THSD7A: variants seen among roughly 807,000 people sequenced by gnomAD.
The protein encoded by THSD7A is thrombospondin type 1 domain containing 7A.
In THSD7A, 96 loss-of-function variants were observed where a neutral mutation model predicts 231.3. The observed-to-expected ratio is 0.41, with a 90% CI of 0.35 to 0.49. THSD7A has a LOEUF of 0.49. Among genes scored for constraint, THSD7A ranks in the 20% least tolerant of loss-of-function variants. THSD7A has a pLI of 0.05. For synonymous variants in THSD7A, 940 were observed against 743.3 expected (o/e 1.26, Z -4.30); for missense variants, 2,290 against 2,070.2 (o/e 1.11, Z -2.06).
At chr7:11,730,329 T>G (rs1450260041) in intron 1 of THSD7A, among the ~76,000 whole-genome samples, 1 of 151,674 alleles carries the variant, frequency 6.6e-6, no homozygotes, top group Non-Finnish European at 1.5e-5. Flanking sequence ...ATTTCTCTTC[T>G]ATAAAGCAAA....
rs190628034 is a variant in THSD7A, at chr7:11,461,000, G to T, written c.2502-235C>A. Among the ~76,000 whole-genome samples the T allele has an allele frequency of 2.7e-3, 411 of 152,242 alleles. 2 individuals are homozygous for T. Among genetic ancestry groups the T allele is most frequent in the Middle Eastern group, 0.024 (7 of 294 alleles). On this transcript the variant is annotated intron_variant, in intron 10 of 27. Coordinates refer to ENST00000423059, the MANE Select transcript of THSD7A (RefSeq NM_015204.3). ...GAGTACATCATTGTCAAGTTCTATA[G>T]GACTCTACAGAGAACATTTAGACTT...
intron 1 of THSD7A, among the ~76,000 whole-genome samples, chr7:11,780,997 C>CAAAAAAAAAAAAAAAAAAAAAAAAAAA (rs58931693): frequency 5.8e-5 from 2 of 34,442 alleles, no homozygotes; most frequent in African/African-American, 9.4e-5. Context: ...GACTCCGTCT[C>CAAAAAAAAAAAAAAAAAAAAAAAAAAA]AAAAAAAAAA....
chr7:11,813,714 A>AAAT (rs61350544), intron 1 of THSD7A, among the ~76,000 whole-genome samples: 10,311 of 144,928 alleles, frequency 0.071, 426 homozygotes, highest in African/African-American at 0.12. Context: ...CTCCATCTCA[A>AAAT]AATAATAATA....
At chr7:11,393,059 G>C (rs1476330195) in intron 23 of THSD7A, among the ~76,000 whole-genome samples, 1 of 152,120 alleles carries the variant, frequency 6.6e-6, no homozygotes, top group Admixed American at 6.6e-5. Context: ...ACTCTCTCCC[G>C]AAGTGGGTCC....
chr7:11,379,756 T>A lies in THSD7A; in HGVS notation c.4508-44A>T, dbSNP rs374934058. The stretch of plus-strand genomic sequence containing the variant: ...TGTTTTGACAAATAATATATTTTGC[T>A]ATGATGAAAATACACTGTGGTTAGT... On this transcript the variant is annotated intron_variant, in intron 24 of 27. Coordinates refer to ENST00000423059, the MANE Select transcript of THSD7A (RefSeq NM_015204.3). 2,803 of 1,537,354 alleles carry A rather than the reference T, an allele frequency of 1.8e-3. 6 individuals carry two copies. The highest frequency in any genetic ancestry group is 2.9e-3 in the Middle Eastern group (17 of 5,956).
intron 22 of THSD7A, among the ~76,000 whole-genome samples, chr7:11,402,713 GA>G (rs1307618112): frequency 1.3e-5 from 2 of 152,118 alleles, no homozygotes; most frequent in African/African-American, 4.8e-5. Context: ...TGTGATATAT[GA>G]AATCATACCA....
intron 16 of THSD7A, among the ~76,000 whole-genome samples, chr7:11,421,345 G>A (rs547537301): frequency 1.4e-4 from 22 of 152,060 alleles, no homozygotes; most frequent in East Asian, 3.9e-4. Flanking sequence ...TTCCCCCTTC[G>A]CTCTTTCTCT....
chr7:11,796,033 CATATATAT>C lies in THSD7A; in HGVS notation c.190+35716_190+35723del, dbSNP rs6149988. ...GGTACTTCTTTGAAATTAAATTAGC[CATATATAT>C]ATATATATATATATATATATATATA... On this transcript the variant is annotated intron_variant, in intron 1 of 27. Transcript: ENST00000423059. 1.0e-2 allele frequency among the ~76,000 whole-genome samples: 1,070 copies of C among 107,350 alleles called. 34 individuals carry two copies. The highest frequency in any genetic ancestry group is 0.03 in the African/African-American group (880 of 29,822). The allele number at this position is 107,350 out of a possible 152,430, so 70.4% of individuals were successfully genotyped here.
chr7:11,777,110 C>A (rs748705685), intron 1 of THSD7A, among the ~76,000 whole-genome samples: 1 of 151,954 alleles, frequency 6.6e-6, no homozygotes, highest in Non-Finnish European at 1.5e-5. Flanking sequence ...AGATAATGTG[C>A]GAGCGAAAAA....
intron 4 of THSD7A, among the ~76,000 whole-genome samples, chr7:11,584,153 A>G (rs1791291309): frequency 2.0e-5 from 3 of 152,158 alleles, no homozygotes; most frequent in Admixed American, 6.6e-5. Context: ...TCCCCACCCA[A>G]GGGCAACCAC....
At position 11,446,264 on chromosome 7, in the gene THSD7A, T is replaced by G. The variant is rs925655524; in HGVS notation, c.2861A>C (p.Gln954Pro). 4.3e-6 allele frequency: 7 copies of G among 1,613,260 alleles called. No homozygotes were observed. The highest frequency in any genetic ancestry group is 5.9e-6 in the Non-Finnish European group (7 of 1,179,530). Reference protein sequence around the residue: ...NSHLYPLIETQYCPCDKYNAQ... With the variant: ...NSHLYPLIETPYCPCDKYNAQ... ...ATTATATTTGTCACAAGGACAATAC[T>G]GAGTCTCAATCAGGGGATACAAATG... Residue 954 changes from glutamine to proline, a missense_variant, in exon 13 of 28, where the codon CAG becomes CCG. Gln to Pro is a moderately conservative substitution (Grantham distance 76). Coordinates refer to ENST00000423059, the MANE Select transcript of THSD7A (RefSeq NM_015204.3). The surrounding 1 kb of genome is among the most constrained non-coding windows in gnomAD (Gnocchi z 4.0).
chr7:11,552,540 G>A (rs1441741897), intron 4 of THSD7A, among the ~76,000 whole-genome samples: 1 of 152,118 alleles, frequency 6.6e-6, no homozygotes, highest in Non-Finnish European at 1.5e-5. Flanking sequence ...ATTGATACAG[G>A]AGTTAAGAAA....
chr7:11,729,785 C>T (rs1176285700), intron 1 of THSD7A, among the ~76,000 whole-genome samples: 1 of 151,552 alleles, frequency 6.6e-6, no homozygotes, highest in African/African-American at 2.4e-5. Context: ...TCTGTTTTTC[C>T]AAGGCAATAT....
At chr7:11,401,581 T>C (rs986067146) in intron 23 of THSD7A, among the ~76,000 whole-genome samples, 1 of 149,384 alleles carries the variant, frequency 6.7e-6, no homozygotes, top group African/African-American at 2.5e-5. Flanking sequence ...CCATGCATAA[T>C]TTTTTTTTTG....
intron 9 of THSD7A, among the ~76,000 whole-genome samples, chr7:11,468,676 A>G (rs1785808478): frequency 6.6e-6 from 1 of 152,102 alleles, no homozygotes; most frequent in South Asian, 2.1e-4. Flanking sequence ...TCTACTAAAA[A>G]TACAAAAATT....
chr7:11,706,267 C>T (rs1011172772), intron 1 of THSD7A, among the ~76,000 whole-genome samples: 1 of 150,810 alleles, frequency 6.6e-6, no homozygotes, highest in Non-Finnish European at 1.5e-5. Context: ...CATGTCAACC[C>T]AAGTGCTGTG....
At chr7:11,584,195 T>C (rs1158477273) in intron 4 of THSD7A, among the ~76,000 whole-genome samples, 3 of 152,342 alleles carry the variant, frequency 2.0e-5, no homozygotes, top group East Asian at 3.9e-4. Context: ...CTTGCTGGTT[T>C]GTTCTGGGGA....
At chr7:11,691,677 CAG>C (rs1412335234) in intron 1 of THSD7A, among the ~76,000 whole-genome samples, 3 of 151,148 alleles carry the variant, frequency 2.0e-5, no homozygotes, top group South Asian at 2.1e-4. Context: ...ATGTAAAATT[CAG>C]AGTTAGTACT....
intron 1 of THSD7A, among the ~76,000 whole-genome samples, chr7:11,759,473 G>C (rs997437125): frequency 1.3e-5 from 2 of 152,012 alleles, no homozygotes; most frequent in African/African-American, 4.8e-5. Flanking sequence ...ATGTGACAAG[G>C]ACAGAAAGAG....
Sources: gnomAD v4.1 joint callset for allele counts (sites outside exome capture counted in the v4.1 genomes callset) on GRCh38, gnomAD v4.1.1 for gene constraint, Gnocchi (gnomAD v3.1) non-coding constraint, MANE v1.5 for transcripts, NCBI Gene and HGNC (gene_info 2026-07-23, HGNC 2026-07-21) for gene names.